ADGRV1: variants seen among roughly 807,000 people sequenced by gnomAD.
The protein encoded by ADGRV1 is G-protein coupled receptor 98.
Under a neutral mutation model 596.2 loss-of-function variants are expected in ADGRV1, and 359 were observed. The ratio of observed to expected loss-of-function variants is 0.60; its 90% CI spans 0.55 to 0.66. ADGRV1 has a LOEUF of 0.66. Among genes scored for constraint, ADGRV1 ranks in the 30% least tolerant of loss-of-function variants. ADGRV1 has a pLI of 0.00. For missense variants in ADGRV1, 7,274 were observed against 7,575.6 expected, an observed-to-expected ratio of 0.96 and a Z score of 1.48; for synonymous variants, 2,681 against 2,679.2, an observed-to-expected ratio of 1.00 and a Z score of -0.02.
intron 87 of ADGRV1, among the ~76,000 whole-genome samples, chr5:91,132,516 G>T (rs995512748): frequency 6.6e-6 from 1 of 152,176 alleles, no homozygotes; most frequent in Non-Finnish European, 1.5e-5. Flanking sequence ...AATCACAGAG[G>T]TTGCATTTTA....
chr5:90,763,081 T>G, intron 58 of ADGRV1: 1 of 438,928 alleles, frequency 2.3e-6, no homozygotes, highest in Non-Finnish European at 4.1e-6. Context: ...TTCAGTCACA[T>G]GCTCTACCTA....
At chr5:90,691,384 C>CTTTTTTT (rs34426784) in intron 31 of ADGRV1, among the ~76,000 whole-genome samples, 12 of 123,454 alleles carry the variant, frequency 9.7e-5, no homozygotes, top group Non-Finnish European at 1.3e-4. Flanking sequence ...AAACTTTTTT[C>CTTTTTTT]TTTTTTTTTT....
chr5:91,122,690 G>T (rs1288683979), intron 87 of ADGRV1, among the ~76,000 whole-genome samples: 1 of 152,154 alleles, frequency 6.6e-6, no homozygotes, highest in Non-Finnish European at 1.5e-5. Context: ...AATGATTATT[G>T]TTGTCCCTGA....
intron 84 of ADGRV1, among the ~76,000 whole-genome samples, chr5:90,971,310 G>A (rs928339578): frequency 5.3e-5 from 8 of 152,184 alleles, no homozygotes; most frequent in African/African-American, 1.7e-4. Context: ...CCCCAACTTA[G>A]CAAGGCAGGC....
At chr5:90,981,156 T>A (rs909063476) in intron 84 of ADGRV1, among the ~76,000 whole-genome samples, 1 of 152,038 alleles carries the variant, frequency 6.6e-6, no homozygotes, top group African/African-American at 2.4e-5. Context: ...AATCAACATA[T>A]GGAAGGTGAA....
In ADGRV1 at chr5:90,635,234, T is replaced by C; in HGVS notation, c.1960T>C (p.Phe654Leu). The C allele has an allele frequency of 5.0e-6, 8 of 1,612,998 alleles. No homozygotes were observed. Among genetic ancestry groups the C allele is most frequent in the Non-Finnish European group, 5.9e-6 (7 of 1,179,614 alleles). The change falls in exon 10 of 90, where the codon TTT becomes CTT. Residue 654 changes from phenylalanine to leucine, a missense_variant. Phe to Leu is a conservative substitution (Grantham distance 22). Coordinates refer to ENST00000405460, the MANE Select transcript of ADGRV1 (RefSeq NM_032119.4). ...AGCCATTGCAAATGGAGAAATTGGC[T>C]TTCTCAGCAATCTTCCAATTATTTT... ...TPAIANGEIG[F>L]LSNLPIILHE...
chr5:90,729,859 A>G, intron 50 of ADGRV1, 95 bp downstream of exon 50: 4 of 1,277,752 alleles, frequency 3.1e-6, no homozygotes, highest in Non-Finnish European at 4.4e-6. Flanking sequence ...TCACATTGCC[A>G]GACACTGGGT....
At chr5:90,991,149 T>C (rs1251827819) in intron 85 of ADGRV1, among the ~76,000 whole-genome samples, 1 of 152,184 alleles carries the variant, frequency 6.6e-6, no homozygotes, top group African/African-American at 2.4e-5. Context: ...ATTACTTTGA[T>C]CTCAATATTC....
chr5:90,809,676 T>C (rs954626766), intron 73 of ADGRV1, among the ~76,000 whole-genome samples: 4 of 152,198 alleles, frequency 2.6e-5, no homozygotes, highest in African/African-American at 7.2e-5. Flanking sequence ...ACCTCTGATA[T>C]AGCTATTAAC....
chr5:90,853,938 A>G, intron 80 of ADGRV1, 124 bp from the exon 81 acceptor site: 1 of 720,402 alleles, frequency 1.4e-6, no homozygotes, highest in South Asian at 1.8e-5. Flanking sequence ...TGAGCTAAAT[A>G]CTAACAGTGA....
chr5:91,141,868 A>C (rs1402051618), intron 87 of ADGRV1, among the ~76,000 whole-genome samples: 1 of 152,184 alleles, frequency 6.6e-6, no homozygotes, highest in East Asian at 1.9e-4. Flanking sequence ...ATGTAGCCAC[A>C]GGAAGGAGCA....
intron 70 of ADGRV1, among the ~76,000 whole-genome samples, chr5:90,797,894 C>G (rs563076825): frequency 6.6e-6 from 1 of 152,244 alleles, no homozygotes; most frequent in East Asian, 1.9e-4. Flanking sequence ...AACAAAGACA[C>G]AATGTACCAG....
chr5:90,961,153 G>A (rs1405039915), intron 83 of ADGRV1, among the ~76,000 whole-genome samples: 1 of 152,036 alleles, frequency 6.6e-6, no homozygotes, highest in Admixed American at 6.6e-5. Flanking sequence ...GGATAGTCTA[G>A]GTATCTGCCA....
intron 43 of ADGRV1, chr5:90,717,431 A>ATTTTTTTT (rs34320463): frequency 1.2e-4 from 13 of 104,748 alleles, no homozygotes; most frequent in African/African-American, 3.9e-4. Flanking sequence ...TGCAAATGTG[A>ATTTTTTTT]TTTTTTTTTT....
chr5:90,784,393 C>T (rs774868336), intron 67 of ADGRV1, among the ~76,000 whole-genome samples: 19 of 152,214 alleles, frequency 1.2e-4, no homozygotes, highest in Non-Finnish European at 2.5e-4. Flanking sequence ...ACCTCATCTC[C>T]GTTCTTACAG....
chr5:90,726,012 C>T (rs1298542127), intron 48 of ADGRV1, among the ~76,000 whole-genome samples: 1 of 152,128 alleles, frequency 6.6e-6, no homozygotes, highest in Non-Finnish European at 1.5e-5. Context: ...TCAGAAATCC[C>T]ACATTTCTTT....
At chr5:90,573,813 A>G (rs907184737) in intron 1 of ADGRV1, among the ~76,000 whole-genome samples, 2 of 152,204 alleles carry the variant, frequency 1.3e-5, no homozygotes, top group African/African-American at 4.8e-5. Flanking sequence ...ACCAAAGCAT[A>G]ATTTGTCAGA....
At chr5:90,612,970 T>C (rs373797173) in intron 1 of ADGRV1, among the ~76,000 whole-genome samples, 1 of 152,108 alleles carries the variant, frequency 6.6e-6, no homozygotes, top group African/African-American at 2.4e-5. Context: ...GTCCTCACTT[T>C]AGACTCACTG....
chr5:90,815,619 G>C lies in ADGRV1; in HGVS notation c.16079G>C (p.Gly5360Ala). 1.3e-6 allele frequency: 2 copies of C among 1,516,118 alleles called. No homozygotes were observed. The highest frequency in any genetic ancestry group is 4.8e-5 in the East Asian group (2 of 42,010). 93.9% of individuals were successfully genotyped at this position (1,516,118 alleles called of 1,614,324 possible). Residue 5360 changes from glycine to alanine, a missense_variant and splice_region_variant, in exon 75 of 90, where the codon GGG becomes GCG. Physicochemically the swap from Gly to Ala is moderately conservative, Grantham distance 60. Coordinates refer to ENST00000405460, the MANE Select transcript of ADGRV1 (RefSeq NM_032119.4). ...FAAFAMVIITGSDLHNGIIGF... is the reference protein window; with the variant it reads ...FAAFAMVIITASDLHNGIIGF... ...TATAGCCCTCCATTCTTTTTTTCAG[G>C]GAGTGACCTTCACAATGGCATCATA...
Sources: gnomAD v4.1 joint callset for allele counts (sites outside exome capture counted in the v4.1 genomes callset) on GRCh38, gnomAD v4.1.1 for gene constraint, MANE v1.5 for transcripts, NCBI Gene and HGNC (gene_info 2026-07-23, HGNC 2026-07-21) for gene names.